Variants in NLRP2 observed in about 807,000 individuals in gnomAD.
NLRP2 encodes the protein NACHT, LRR and PYD domains-containing protein 2.
In NLRP2, 107 loss-of-function variants were observed where a neutral mutation model predicts 97.2. The observed-to-expected ratio is 1.10, with a 90% CI of 0.94 to 1.29. The LOEUF (loss-of-function observed/expected upper bound fraction) is 1.29, where lower values mean the gene tolerates loss of function less well. Among genes scored for constraint, NLRP2 ranks in the 50% most tolerant of loss-of-function variants. The pLI, the probability that NLRP2 is intolerant of heterozygous loss-of-function variation, is 0.00. For missense variants in NLRP2, 1,495 were observed against 1,330.3 expected (o/e 1.12, Z -1.93); for synonymous variants, 663 against 551.5 (o/e 1.20, Z -2.83).
At position 54,983,094 on chromosome 19, in the gene NLRP2, C is replaced by T; in HGVS notation, c.1396C>T (p.His466Tyr). 3 of 1,613,390 alleles carry T rather than the reference C, an allele frequency of 1.9e-6. No individual in the cohort carries two copies. Among genetic ancestry groups the T allele is most frequent in the South Asian group, 1.1e-5 (1 of 91,060 alleles). ...CCTGTGGGCGCAGACGTCCGTGCTTCACCGAGAGGATCTGGAAAGGCTCGG... is the reference window on the plus strand; with the variant it reads ...CCTGTGGGCGCAGACGTCCGTGCTTTACCGAGAGGATCTGGAAAGGCTCGG... ...QGLWAQTSVL[H>Y]REDLERLGVQ... is the part of the protein sequence containing the mutation. The change falls in exon 6 of 13, where the codon CAC becomes TAC. Residue 466 changes from histidine to tyrosine, a missense_variant. Physicochemically the swap from His to Tyr is moderately conservative, Grantham distance 83. Transcript: ENST00000448584.
intron 3 of NLRP2, among the ~76,000 whole-genome samples, chr19:54,974,961 G>A (rs182132311): frequency 7.2e-5 from 11 of 151,910 alleles, no homozygotes; most frequent in East Asian, 5.8e-4. Context: ...CACCAGGCCC[G>A]GCTAATTTTT....
rs569513144 is a variant in NLRP2, at chr19:54,987,057, GTAT to G, written c.2366+748_2366+750del. 7.3e-3 allele frequency among the ~76,000 whole-genome samples: 1,099 copies of G among 150,378 alleles called. 9 individuals carry two copies. Among genetic ancestry groups the G allele is most frequent in the Middle Eastern group, 0.045 (13 of 288 alleles). On this transcript the variant is annotated intron_variant, in intron 8 of 12. Coordinates refer to ENST00000448584, the MANE Select transcript of NLRP2 (RefSeq NM_017852.5). The stretch of plus-strand genomic sequence containing the variant: ...ACACCACCACACCTGGTTAATTTTT[GTAT>G]TATTAGTAGAGATGGAGTTTTACCA...
chr19:54,978,323 C>T (rs982442973), intron 4 of NLRP2, among the ~76,000 whole-genome samples: 1 of 151,170 alleles, frequency 6.6e-6, no homozygotes, highest in Non-Finnish European at 1.5e-5. Context: ...CAACCTCCGC[C>T]TCCCAGATTC....
chr19:54,992,538 TGG>T (rs58208380), intron 10 of NLRP2, among the ~76,000 whole-genome samples: 29,145 of 100,160 alleles, frequency 0.29, 4,163 homozygotes, highest in African/African-American at 0.35. Flanking sequence ...GGTATTTTTT[TGG>T]GGGGGGGGGG....
At chr19:54,997,244 G>C in intron 11 of NLRP2, 73 bp from the exon 12 acceptor site, 2 of 1,485,362 alleles carry the variant, frequency 1.3e-6, no homozygotes, top group Non-Finnish European at 9.4e-7. Flanking sequence ...AACACACGAG[G>C]GTGGGCTTGG....
chr19:54,976,866 G>T, intron 3 of NLRP2: 1 of 389,152 alleles, frequency 2.6e-6, no homozygotes, highest in Non-Finnish European at 4.8e-6. Flanking sequence ...CCAGGCTGAA[G>T]TGCAGTGGAG....
chr19:54,981,761 G>A (rs1296685457), intron 5 of NLRP2, 79 bp downstream of exon 5: 12 of 858,832 alleles, frequency 1.4e-5, no homozygotes, highest in Admixed American at 6.9e-5. Flanking sequence ...ACTTTCCTAT[G>A]TAACACAAAG....
intron 1 of NLRP2, among the ~76,000 whole-genome samples, chr19:54,969,075 A>G (rs949490702): frequency 1.3e-5 from 2 of 152,012 alleles, no homozygotes; most frequent in African/African-American, 2.4e-5. Context: ...GTAGCTCCCC[A>G]CTTCCTTATC....
intron 7 of NLRP2, 53 bp downstream of exon 7, chr19:54,985,270 A>G: frequency 6.5e-7 from 1 of 1,534,004 alleles, no homozygotes; most frequent in Non-Finnish European, 9.0e-7. Context: ...AAAATGGTAC[A>G]ATGTTAACAT....
At position 55,001,024 on chromosome 19, in the gene NLRP2, T is replaced by C. The variant is rs766628929; in HGVS notation, c.*126T>C. ...AATGAGTTCATTGCTGGGCTAGATGTTTTAGCCATGATTCTGCCTCTGTTT... is the reference window on the plus strand; with the variant it reads ...AATGAGTTCATTGCTGGGCTAGATGCTTTAGCCATGATTCTGCCTCTGTTT... On this transcript the variant is annotated 3_prime_UTR_variant, in exon 13 of 13. Coordinates refer to ENST00000448584, the MANE Select transcript of NLRP2 (RefSeq NM_017852.5). The C allele has an allele frequency of 1.2e-6, 1 of 826,562 alleles. No homozygotes were observed. Among genetic ancestry groups the C allele is most frequent in the Non-Finnish European group, 2.0e-6 (1 of 494,092 alleles). The allele number at this position is 826,562 out of a possible 1,614,324, so 51.2% of individuals were successfully genotyped here.
At chr19:54,989,311 A>G (rs544148223) in intron 8 of NLRP2, among the ~76,000 whole-genome samples, 2 of 152,062 alleles carry the variant, frequency 1.3e-5, no homozygotes, top group African/African-American at 2.4e-5. Context: ...TCTCTACTAA[A>G]AAATACAAAA....
At chr19:54,988,799 T>C (rs1056555554) in intron 8 of NLRP2, among the ~76,000 whole-genome samples, 1 of 151,826 alleles carries the variant, frequency 6.6e-6, no homozygotes, top group African/African-American at 2.4e-5. Context: ...ATTACAGGCA[T>C]GAGCCACTGT....
Position 54,981,736 on chromosome 19 carries a change from C to G in NLRP2, c.463+54C>G, listed in dbSNP as rs368944420. 4.1e-5 allele frequency: 40 copies of G among 972,398 alleles called. No homozygotes were observed. In the African/African-American group the frequency reaches 5.7e-4, roughly 14 times the overall value. The allele number at this position is 972,398 out of a possible 1,614,324, so 60.2% of individuals were successfully genotyped here. On this transcript the variant is annotated intron_variant, in intron 5 of 12. Coordinates refer to ENST00000448584, the MANE Select transcript of NLRP2 (RefSeq NM_017852.5). ...TTGGGATCAGATTTCTCTTTATAAA[C>G]TTGAAGTCCTCTTAACTTTCCTATG...
Position 54,995,187 on chromosome 19 carries a change from C to CTTTTTTTTTTTTTTTTTT in NLRP2, c.2879+753_2879+770dup, listed in dbSNP as rs34168825. The stretch of plus-strand genomic sequence containing the variant: ...TAGCCGAGCATAGTAGTGGGTGCCT[C>CTTTTTTTTTTTTTTTTTT]TTTTTTTTTTTTTTTTTTTTTTGAG... On this transcript the variant is annotated intron_variant, in intron 11 of 12. Transcript: ENST00000448584. 3.1e-4 allele frequency among the ~76,000 whole-genome samples: 27 copies of CTTTTTTTTTTTTTTTTTT among 87,226 alleles called. 1 individual carries two copies. Among genetic ancestry groups the CTTTTTTTTTTTTTTTTTT allele is most frequent in the African/African-American group, 1.2e-3 (26 of 22,466 alleles). The allele number at this position is 87,226 out of a possible 152,430, so 57.2% of individuals were successfully genotyped here.
Position 54,970,030 on chromosome 19 carries a change from G to T in NLRP2, c.15G>T (p.Ala5=). The part of the protein sequence containing the change: MVSS[A]QMGFNLQALL... ...CGTGGGACAAGATGGTGTCTTCGGC[G>T]CAGATGGGCTTCAACCTGCAGGCTC... Residue 5 remains alanine (A), a synonymous_variant, in exon 2 of 13, where the codon GCG becomes GCT. Coordinates refer to ENST00000448584, the MANE Select transcript of NLRP2 (RefSeq NM_017852.5). 6.2e-7 allele frequency: 1 copy of T among 1,613,550 alleles called. No individual in the cohort carries two copies. Among genetic ancestry groups the T allele is most frequent in the Non-Finnish European group, 8.5e-7 (1 of 1,179,988 alleles).
intron 2 of NLRP2, among the ~76,000 whole-genome samples, chr19:54,971,572 GTGA>G (rs1190933925): frequency 8.6e-5 from 13 of 151,544 alleles, no homozygotes; most frequent in Admixed American, 5.3e-4. Context: ...CTGATGGCCA[GTGA>G]TGATGAGCAT....
At chr19:54,976,907 T>C (rs766788734) in intron 3 of NLRP2, 1 of 405,138 alleles carries the variant, frequency 2.5e-6, no homozygotes, top group South Asian at 1.8e-5. Context: ...CTCCGCCTCC[T>C]GGGTTCAAGC....
At chr19:54,981,959 G>T (rs969892164) in intron 5 of NLRP2, among the ~76,000 whole-genome samples, 1 of 152,046 alleles carries the variant, frequency 6.6e-6, no homozygotes. Context: ...TTTATTTTTA[G>T]TAGAGACAAG....
Position 54,984,485 on chromosome 19 carries a change from C to CTTTTTTTTTTTTTTTTT in NLRP2, c.2031-547_2031-546insTTTTTTTTTTTTTTTTT, listed in dbSNP as rs36061621. Among the ~76,000 whole-genome samples the CTTTTTTTTTTTTTTTTT allele has an allele frequency of 1.1e-3, 87 of 76,896 alleles. 15 individuals carry two copies. Among genetic ancestry groups the CTTTTTTTTTTTTTTTTT allele is most frequent in the African/African-American group, 4.5e-3 (59 of 13,234 alleles). The allele number at this position is 76,896 out of a possible 152,430, so 50.4% of individuals were successfully genotyped here. On this transcript the variant is annotated intron_variant, in intron 6 of 12. Coordinates refer to ENST00000448584, the MANE Select transcript of NLRP2 (RefSeq NM_017852.5). ...ATGTATAGATATGTATATTCCCAAT[C>CTTTTTTTTTTTTTTTTT]TTTTTTTTTTTTTTTGAGACGGAGT...
Sources: gnomAD v4.1 joint callset for allele counts (sites outside exome capture counted in the v4.1 genomes callset) on GRCh38, gnomAD v4.1.1 for gene constraint, MANE v1.5 for transcripts, NCBI Gene and HGNC (gene_info 2026-07-23, HGNC 2026-07-21) for gene names.